Variants in MALRD1 observed in about 807,000 individuals in gnomAD.
MALRD1 encodes MAM and LDL receptor class A domain containing 1.
A neutral mutation model predicts 242.1 loss-of-function variants in MALRD1; 247 were observed. The ratio of observed to expected loss-of-function variants is 1.02; its 90% CI spans 0.92 to 1.13. The LOEUF is 1.13. MALRD1 is among the 50% of genes most tolerant of loss of function. MALRD1 has a pLI of 0.00. For missense variants in MALRD1, 2,989 were observed against 2,533.1 expected (o/e 1.18, Z -3.86); for synonymous variants, 995 against 866.6 (o/e 1.15, Z -2.60).
intron 24 of MALRD1, among the ~76,000 whole-genome samples, 158 bp from the exon 25 acceptor site, chr10:19,347,613 G>T (rs1609747): frequency 6.6e-6 from 1 of 151,928 alleles, no homozygotes; most frequent in Non-Finnish European, 1.5e-5. Flanking sequence ...TGTGTGTATC[G>T]CAAACCAAAA....
At chr10:19,194,178 C>T (rs1036733484) in intron 14 of MALRD1, among the ~76,000 whole-genome samples, 3 of 152,022 alleles carry the variant, frequency 2.0e-5, no homozygotes, top group South Asian at 2.1e-4. Context: ...GTTTCAAACG[C>T]AATTGTGGGT....
chr10:19,591,382 C>A (rs1837773508), intron 33 of MALRD1, among the ~76,000 whole-genome samples: 1 of 152,152 alleles, frequency 6.6e-6, no homozygotes, highest in Non-Finnish European at 1.5e-5. Context: ...ATTTGCGATC[C>A]TCCTATGATA....
At chr10:19,269,943 C>T (rs1279684675) in intron 19 of MALRD1, among the ~76,000 whole-genome samples, 1 of 152,226 alleles carries the variant, frequency 6.6e-6, no homozygotes, top group Non-Finnish European at 1.5e-5. Flanking sequence ...TCTTTCAAGT[C>T]ATCCAACTCA....
At chr10:19,642,047 A>AT (rs1411125182) in intron 36 of MALRD1, among the ~76,000 whole-genome samples, 3 of 152,226 alleles carry the variant, frequency 2.0e-5, no homozygotes, top group African/African-American at 4.8e-5. Context: ...TCTAAGAAAT[A>AT]TCTTCAAATG....
At chr10:19,201,846 C>G (rs1836553491) in intron 14 of MALRD1, among the ~76,000 whole-genome samples, 1 of 152,022 alleles carries the variant, frequency 6.6e-6, no homozygotes, top group African/African-American at 2.4e-5. Flanking sequence ...GACAGAGTCT[C>G]ACTCTGTCAC....
chr10:19,690,202 A>G (rs1355628503), intron 36 of MALRD1, among the ~76,000 whole-genome samples: 2 of 152,118 alleles, frequency 1.3e-5, no homozygotes, highest in Non-Finnish European at 2.9e-5. Flanking sequence ...TTGGCCAAAA[A>G]TAACTAAAAT....
chr10:19,485,238 C>T (rs1048544404), intron 29 of MALRD1, among the ~76,000 whole-genome samples: 2 of 152,122 alleles, frequency 1.3e-5, no homozygotes, highest in African/African-American at 4.8e-5. Context: ...AATGTATGTA[C>T]TCTATTTGTA....
chr10:19,685,548 T>A (rs918954516), intron 36 of MALRD1, among the ~76,000 whole-genome samples: 20 of 152,278 alleles, frequency 1.3e-4, no homozygotes, highest in African/African-American at 4.8e-4. Flanking sequence ...ATACAGGAAT[T>A]TATTGACTTA....
chr10:19,448,381 G>A (rs552267807), intron 28 of MALRD1, among the ~76,000 whole-genome samples: 87 of 152,136 alleles, frequency 5.7e-4, no homozygotes, highest in African/African-American at 1.7e-3. Flanking sequence ...CAATGACCCA[G>A]GACCAAGGAA....
intron 25 of MALRD1, among the ~76,000 whole-genome samples, chr10:19,351,461 G>A (rs1844374766): frequency 6.6e-6 from 1 of 152,048 alleles, no homozygotes; most frequent in Non-Finnish European, 1.5e-5. Context: ...AGTAAAATTT[G>A]GATAATTACT....
Position 19,066,744 on chromosome 10 carries a change from T to G in MALRD1, c.225T>G (p.Phe75Leu). ...GTTTGAATTATGAAAGATGTGATTT[T>G]GAGGATGGTCTCTGTCATATGACTC... is the stretch of plus-strand genomic sequence containing the variant. ...RHCLNYERCD[F>L]EDGLCHMTQD... Residue 75 changes from phenylalanine (F) to leucine (L), a missense_variant, in exon 2 of 40, where the codon TTT becomes TTG. Coordinates refer to ENST00000454679, the MANE Select transcript of MALRD1 (RefSeq NM_001142308.3). The G allele has an allele frequency of 3.2e-6, 4 of 1,233,762 alleles. No individual in the cohort carries two copies. The highest frequency in any genetic ancestry group is 4.0e-6 in the Non-Finnish European group (4 of 988,024). The allele number at this position is 1,233,762 out of a possible 1,614,324, so 76.4% of individuals were successfully genotyped here. A position where few individuals can be genotyped will look rare whatever the true frequency, so the allele number is the denominator to read the frequency against.
At chr10:19,163,069 TTGAGGCTGCAGTGAGCCG>T (rs1834503282) in intron 12 of MALRD1, among the ~76,000 whole-genome samples, 2 of 135,436 alleles carry the variant, frequency 1.5e-5, no homozygotes, top group African/African-American at 2.8e-5. Context: ...GCTCAGGAGT[TTGAGGCTGCAGTGAGCCG>T]TGATCATGCC....
intron 19 of MALRD1, among the ~76,000 whole-genome samples, chr10:19,262,645 G>T (rs1839800310): frequency 7.5e-6 from 1 of 133,494 alleles, no homozygotes; most frequent in African/African-American, 2.8e-5. Context: ...GACAGAGCAA[G>T]AGTCTGTCTC....
chr10:19,088,576 TATTTA>T (rs1835765792), intron 4 of MALRD1, among the ~76,000 whole-genome samples: 86 of 109,866 alleles, frequency 7.8e-4, no homozygotes, highest in African/African-American at 1.4e-3. Context: ...TTTTTTTATT[TATTTA>T]TTTATTTATT....
At chr10:19,644,407 C>T (rs1053210918) in intron 36 of MALRD1, among the ~76,000 whole-genome samples, 36 of 152,390 alleles carry the variant, frequency 2.4e-4, no homozygotes, top group African/African-American at 8.7e-4. Flanking sequence ...GTTCTTACTG[C>T]AACTGCCTTA....
At chr10:19,587,043 C>G (rs1416707463) in intron 33 of MALRD1, among the ~76,000 whole-genome samples, 2 of 152,246 alleles carry the variant, frequency 1.3e-5, no homozygotes, top group South Asian at 2.1e-4. Flanking sequence ...TCCCTGACCC[C>G]TTGCTCTTCC....
At chr10:19,538,307 C>T (rs1834776790) in intron 32 of MALRD1, among the ~76,000 whole-genome samples, 1 of 152,112 alleles carries the variant, frequency 6.6e-6, no homozygotes, top group African/African-American at 2.4e-5. Flanking sequence ...TTCACATGGG[C>T]ATCAATATCC....
At chr10:19,225,434 T>C (rs1241725059) in intron 18 of MALRD1, among the ~76,000 whole-genome samples, 3 of 152,192 alleles carry the variant, frequency 2.0e-5, no homozygotes, top group African/African-American at 7.2e-5. Context: ...GTGTAGGCTA[T>C]TTCTATACTT....
Position 19,179,977 on chromosome 10 carries a change from CAGA to C in MALRD1, c.1951+4657_1951+4659del, listed in dbSNP as rs1341731799. On this transcript the variant is annotated intron_variant, in intron 14 of 39. Transcript: ENST00000454679. Reference sequence around the variant, plus strand: ...TCCTAGCATCCCTGAAAAAGTAATACAGAAGAAGAAAAAAAAAGAAGGTTGTCT... The same window carrying C: ...TCCTAGCATCCCTGAAAAAGTAATACAGAAGAAAAAAAAAGAAGGTTGTCT... Among the ~76,000 whole-genome samples the C allele has an allele frequency of 2.6e-5, 4 of 151,378 alleles. No homozygotes were observed. The East Asian group carries it at 7.7e-4, about 29-fold the overall frequency.
Sources: allele counts gnomAD v4.1 joint callset (sites outside exome capture counted in the v4.1 genomes callset), GRCh38; gene constraint gnomAD v4.1.1; transcripts MANE v1.5; gene names NCBI Gene and HGNC (gene_info 2026-07-23, HGNC 2026-07-21).